The following COL4A1 variants were observed in gnomAD, a reference collection of about 807,000 sequenced individuals.
COL4A1 encodes the protein collagen alpha-1(IV) chain.
A neutral mutation model predicts 216.6 loss-of-function variants in COL4A1; 40 were observed. The observed-to-expected ratio is 0.18, with a 90% CI of 0.14 to 0.24. The LOEUF (loss-of-function observed/expected upper bound fraction) is 0.24, where lower values mean the gene tolerates loss of function less well. COL4A1 is among the 10% of genes least tolerant of loss of function. The probability of loss-of-function intolerance (pLI) is 1.00; values close to 1 mark genes in which losing one functional copy is unlikely to be tolerated. For synonymous variants in COL4A1, 839 were observed against 810.7 expected (o/e 1.03, Z -0.59); for missense variants, 1,628 against 2,196.8 (o/e 0.74, Z 5.18).
At position 110,149,702 on chromosome 13, in the gene COL4A1, T is replaced by C. The variant is rs1876412298; in HGVS notation, c.*661A>G. ...CTTGATCTGCCTAATTGCTGACATC[T>C]ATATAAATTACTAATATATATATAT... On this transcript the variant is annotated 3_prime_UTR_variant, in exon 52 of 52. Coordinates refer to ENST00000375820, the MANE Select transcript of COL4A1 (RefSeq NM_001845.6). The C allele has an allele frequency of 6.6e-6, 1 of 152,312 alleles. No homozygotes were observed. Among genetic ancestry groups the C allele is most frequent in the African/African-American group, 2.4e-5 (1 of 41,414 alleles). 9.4% of individuals were successfully genotyped at this position (152,312 alleles called of 1,614,324 possible). A position where few individuals can be genotyped will look rare whatever the true frequency, so the allele number is the denominator to read the frequency against.
Position 110,186,530 on chromosome 13 carries a change from C to A in COL4A1, c.1752G>T (p.Glu584Asp), listed in dbSNP as rs765423555. 6.2e-7 allele frequency: 1 copy of A among 1,614,028 alleles called. No homozygotes were observed. Among genetic ancestry groups the A allele is most frequent in the Non-Finnish European group, 8.5e-7 (1 of 1,180,010 alleles). ...GSPGSVGLKG[E>D]RGPPGGVGFP... The stretch of plus-strand genomic sequence containing the variant: ...ATCCAACTCCTCCAGGGGGGCCACG[C>A]TCTCCTTTCAATCCTACAGAACCCT... Residue 584 changes from glutamate (E) to aspartate (D), a missense_variant, in exon 26 of 52, where the codon GAG becomes GAT. Physicochemically the swap from Glu to Asp is conservative, Grantham distance 45. Transcript: ENST00000375820.
chr13:110,306,672 C>T (rs1273491946), intron 1 of COL4A1, among the ~76,000 whole-genome samples: 1 of 152,240 alleles, frequency 6.6e-6, no homozygotes, highest in East Asian at 1.9e-4. Context: ...GGCACCCTCA[C>T]CCCGCCACAG....
chr13:110,306,031 T>C (rs544947094), intron 1 of COL4A1: 156 of 152,192 alleles, frequency 1.0e-3, no homozygotes, highest in African/African-American at 3.7e-3. Context: ...TGGGACTGCA[T>C]GGCTGTGACA....
At chr13:110,219,799 T>C (rs1173940350) in intron 2 of COL4A1, among the ~76,000 whole-genome samples, 1 of 141,676 alleles carries the variant, frequency 7.1e-6, no homozygotes, top group Non-Finnish European at 1.5e-5. Context: ...TGTGTATATA[T>C]GTATATATGT....
intron 23 of COL4A1, 98 bp from the exon 24 acceptor site, chr13:110,192,382 G>A: frequency 9.1e-7 from 1 of 1,100,540 alleles, no homozygotes; most frequent in Non-Finnish European, 1.4e-6. Context: ...ATCTGTATAG[G>A]AAGTGGATGA....
Position 110,300,233 on chromosome 13 carries a change from A to C in COL4A1, c.84+6711T>G, listed in dbSNP as rs567154902. 4.6e-5 allele frequency among the ~76,000 whole-genome samples: 7 copies of C among 152,304 alleles called. No individual in the cohort carries two copies. In the South Asian group the frequency reaches 1.5e-3, roughly 32 times the overall value. On this transcript the variant is annotated intron_variant, in intron 1 of 51. Transcript: ENST00000375820. The stretch of plus-strand genomic sequence containing the variant: ...CAAATACTGACCTAGTACCTTCAAA[A>C]ATGCCCCATGTGCTGAATGTGAGGA...
intron 24 of COL4A1, among the ~76,000 whole-genome samples, chr13:110,187,759 T>C (rs1878465315): frequency 6.6e-6 from 1 of 152,240 alleles, no homozygotes; most frequent in African/African-American, 2.4e-5. Context: ...TCCTCAGCTC[T>C]GCCTGCTGCC....
chr13:110,178,289 G>A, intron 31 of COL4A1, 58 bp from the exon 32 acceptor site: 1 of 1,603,788 alleles, frequency 6.2e-7, no homozygotes. Context: ...GATCTACAAT[G>A]TACAGTGCTC....
At position 110,176,609 on chromosome 13, in the gene COL4A1, G is replaced by A. The variant is rs200922201; in HGVS notation, c.2968+17C>T. The stretch of plus-strand genomic sequence containing the variant: ...CTGAGCCCTTGCCACACTGGGGACC[G>A]GAGCTCCACACTGTACCTGGCTGCC... On this transcript the variant is annotated intron_variant, in intron 35 of 51. Transcript: ENST00000375820. The A allele has an allele frequency of 1.5e-5, 24 of 1,609,178 alleles. No individual in the cohort carries two copies. The highest frequency in any genetic ancestry group is 1.3e-4 in the East Asian group (6 of 44,828).
chr13:110,219,099 A>C (rs950380031), intron 2 of COL4A1, among the ~76,000 whole-genome samples: 1 of 152,176 alleles, frequency 6.6e-6, no homozygotes, highest in Non-Finnish European at 1.5e-5. Flanking sequence ...GGGGTCATGG[A>C]AAACTCTGTG....
intron 2 of COL4A1, among the ~76,000 whole-genome samples, chr13:110,231,703 G>A (rs1881071431): frequency 6.6e-6 from 1 of 152,216 alleles, no homozygotes; most frequent in African/African-American, 2.4e-5. Flanking sequence ...GCACTGGGAT[G>A]AGTGGACATT....
intron 21 of COL4A1, among the ~76,000 whole-genome samples, chr13:110,197,162 C>T (rs1218837143): frequency 6.6e-6 from 1 of 151,974 alleles, no homozygotes; most frequent in Non-Finnish European, 1.5e-5. Context: ...TCCCTCACCC[C>T]CTTCATGTCT....
In COL4A1 at chr13:110,183,226, C is replaced by T; in HGVS notation, c.1948G>A (p.Ala650Thr). 2 of 1,613,898 alleles carry T rather than the reference C, an allele frequency of 1.2e-6. No individual in the cohort carries two copies. The highest frequency in any genetic ancestry group is 2.2e-5 in the East Asian group (1 of 44,884). Residue 650 changes from alanine to threonine, a missense_variant, in exon 27 of 52, where the codon GCA becomes ACA. Transcript: ENST00000375820. Reference protein sequence around the residue: ...KIVPLPGPPGAEGLPGSPGFP... With the variant: ...KIVPLPGPPGTEGLPGSPGFP... ...CCTGGGGACCCCGGCAGTCCTTCTG[C>T]TCCAGGGGGGCCTGGTAAAGGAACA...
intron 26 of COL4A1, among the ~76,000 whole-genome samples, chr13:110,184,485 A>G (rs1370849192): frequency 2.0e-5 from 3 of 152,192 alleles, no homozygotes; most frequent in Non-Finnish European, 4.4e-5. Flanking sequence ...CCTCTAATGG[A>G]GTCATAAAAG....
chr13:110,165,582 C>A (rs1398203765), intron 45 of COL4A1, among the ~76,000 whole-genome samples: 1 of 151,380 alleles, frequency 6.6e-6, no homozygotes, highest in African/African-American at 2.4e-5. Flanking sequence ...CTTCCACACA[C>A]CCTCCCTCAC....
At chr13:110,306,790 A>AC (rs1884744230) in intron 1 of COL4A1, among the ~76,000 whole-genome samples, 154 bp downstream of exon 1, 2 of 151,868 alleles carry the variant, frequency 1.3e-5, no homozygotes, top group South Asian at 4.2e-4. Flanking sequence ...GCCTACAGGG[A>AC]CCCCCAACGA....
chr13:110,217,995 T>C (rs1025641289), intron 2 of COL4A1, among the ~76,000 whole-genome samples: 5 of 152,220 alleles, frequency 3.3e-5, no homozygotes, highest in Non-Finnish European at 5.9e-5. Flanking sequence ...CCAATGCTTG[T>C]AGAAACAAGT....
chr13:110,237,365 T>C (rs1425370079), intron 2 of COL4A1, among the ~76,000 whole-genome samples: 1 of 152,144 alleles, frequency 6.6e-6, no homozygotes, highest in East Asian at 1.9e-4. Flanking sequence ...CGGTATTCCA[T>C]CCAGGGTGAG....
intron 1 of COL4A1, among the ~76,000 whole-genome samples, chr13:110,250,764 G>A (rs527688711): frequency 3.9e-5 from 6 of 152,308 alleles, no homozygotes; most frequent in African/African-American, 1.4e-4. Context: ...GCCTTCCCGT[G>A]CTTGTGAGTC....
Sources: gnomAD v4.1 joint callset for allele counts (sites outside exome capture counted in the v4.1 genomes callset) on GRCh38, gnomAD v4.1.1 for gene constraint, MANE v1.5 for transcripts, NCBI Gene and HGNC (gene_info 2026-07-23, HGNC 2026-07-21) for gene names.